RBFOX1: variants seen among roughly 807,000 people sequenced by gnomAD.
The protein encoded by RBFOX1 is RNA binding protein fox-1 homolog 1.
A neutral mutation model predicts 57.7 loss-of-function variants in RBFOX1; 8 were observed. The observed-to-expected ratio is 0.14, with a 90% confidence interval of 0.08 to 0.25. The LOEUF (loss-of-function observed/expected upper bound fraction) is 0.25. Ranked by LOEUF, RBFOX1 falls within the 10% of genes least tolerant of loss-of-function variation. RBFOX1 has a pLI of 1.00. For missense variants in RBFOX1, 611 were observed against 548.5 expected, an observed-to-expected ratio of 1.11 and a Z score of -1.14; for synonymous variants, 326 against 222.4, an observed-to-expected ratio of 1.47 and a Z score of -4.15.
At chr16:6,999,224 TATTTA>T (rs1568300486) in intron 3 of RBFOX1, among the ~76,000 whole-genome samples, 12 of 99,314 alleles carry the variant, frequency 1.2e-4, no homozygotes, top group South Asian at 3.0e-4. Context: ...TTATTTTTTT[TATTTA>T]TTTTTTTTTT....
chr16:5,846,651 C>G (rs1442698486), intron 3 of RBFOX1, among the ~76,000 whole-genome samples: 1 of 152,204 alleles, frequency 6.6e-6, no homozygotes, highest in Non-Finnish European at 1.5e-5. Context: ...CTCTCCACCA[C>G]ACTCAGCTGT....
Position 7,469,861 on chromosome 16 carries a change from G to A in RBFOX1, c.28-48286G>A, listed in dbSNP as rs141062334. On this transcript the variant is annotated intron_variant, in intron 4 of 15. Transcript: ENST00000550418. Reference sequence around the variant, plus strand: ...TCATCCGTCCTGCTCGCAGCCCCTGGCTACTTTCTACTTTCTGTCTCTCTG... The same window carrying A: ...TCATCCGTCCTGCTCGCAGCCCCTGACTACTTTCTACTTTCTGTCTCTCTG... 1.9e-3 allele frequency among the ~76,000 whole-genome samples: 288 copies of A among 152,184 alleles called. 1 individual carries two copies. The highest frequency in any genetic ancestry group is 6.4e-3 in the African/African-American group (264 of 41,518).
intron 2 of RBFOX1, among the ~76,000 whole-genome samples, chr16:6,339,765 G>A (rs1202200161): frequency 2.6e-5 from 4 of 151,970 alleles, no homozygotes; most frequent in Non-Finnish European, 5.9e-5. Context: ...CTGCCTCCCA[G>A]GTTCAAGCGA....
chr16:7,208,053 T>C (rs956731635), intron 4 of RBFOX1, among the ~76,000 whole-genome samples: 5 of 152,166 alleles, frequency 3.3e-5, no homozygotes, highest in Non-Finnish European at 5.9e-5. Context: ...ACTAGGACTT[T>C]AGGCAACATC....
At position 5,597,395 on chromosome 16, in the gene RBFOX1, C is replaced by CT. The variant is rs35058375; in HGVS notation, c.259-1487dup. On this transcript the variant is annotated intron_variant, in intron 2 of 2. Coordinates refer to the RBFOX1 transcript ENST00000585867. The stretch of plus-strand genomic sequence containing the variant: ...GTGACCCCAGGCCAAAGCTTGCTGA[C>CT]TTTTTTTTTTTTTTTTTTTTGAGTT... 2.3e-3 allele frequency among the ~76,000 whole-genome samples: 261 copies of CT among 114,360 alleles called. 1 individual carries two copies. Among genetic ancestry groups the CT allele is most frequent in the Middle Eastern group, 5.3e-3 (1 of 188 alleles). 75.0% of individuals were successfully genotyped at this position (114,360 alleles called of 152,430 possible).
chr16:6,863,071 T>C lies in RBFOX1; in HGVS notation c.-15-188986T>C, dbSNP rs570316109. ...AGGTGTTTGGTACATTATTCTATGA[T>C]GTATGGTGGAGAACAGTGGAAGGAT... is the stretch of plus-strand genomic sequence containing the variant. On this transcript the variant is annotated intron_variant, in intron 3 of 15. Transcript: ENST00000550418. Among the ~76,000 whole-genome samples, 4 of 152,110 alleles carry C rather than the reference T, an allele frequency of 2.6e-5. No individual in the cohort carries two copies. In the South Asian group the frequency reaches 8.3e-4, roughly 32 times the overall value.
At chr16:5,492,796 T>A (rs1357534652) in intron 2 of RBFOX1, among the ~76,000 whole-genome samples, 1 of 152,254 alleles carries the variant, frequency 6.6e-6, no homozygotes, top group Non-Finnish European at 1.5e-5. Flanking sequence ...ATCTCACTCT[T>A]ATTTAGTGTT....
chr16:7,457,918 C>T (rs2058838486), intron 4 of RBFOX1, among the ~76,000 whole-genome samples: 1 of 152,090 alleles, frequency 6.6e-6, no homozygotes, highest in South Asian at 2.1e-4. Context: ...ATTCTCAGTC[C>T]CTCCAACAAG....
chr16:5,949,418 C>T (rs1272386831), intron 4 of RBFOX1, among the ~76,000 whole-genome samples: 3 of 147,836 alleles, frequency 2.0e-5, no homozygotes, highest in East Asian at 2.1e-4. Flanking sequence ...CCCAGCTACT[C>T]GGGAGGCTGA....
intron 2 of RBFOX1, among the ~76,000 whole-genome samples, chr16:6,615,368 G>C (rs144116288): frequency 0.012 from 1,885 of 152,110 alleles, 38 homozygotes; most frequent in African/African-American, 0.043. Context: ...TCAGGAGTTG[G>C]AGACCAGCCT....
At chr16:7,123,623 T>G (rs2067714883) in intron 4 of RBFOX1, among the ~76,000 whole-genome samples, 1 of 152,146 alleles carries the variant, frequency 6.6e-6, no homozygotes, top group Non-Finnish European at 1.5e-5. Context: ...CCTCAACTTC[T>G]CAGAGTGCTG....
At chr16:6,936,692 T>A (rs938918861) in intron 3 of RBFOX1, among the ~76,000 whole-genome samples, 1 of 152,096 alleles carries the variant, frequency 6.6e-6, no homozygotes, top group African/African-American at 2.4e-5. Context: ...TGAGAGAGGA[T>A]AGCATTAGAT....
At chr16:7,693,359 C>G (rs1438515195) in intron 14 of RBFOX1, 3 of 1,611,920 alleles carry the variant, frequency 1.9e-6, no homozygotes, top group Middle Eastern at 3.3e-4. Context: ...TCTTGTAACA[C>G]CTCTGCAGGT....
rs192858516 is a variant in RBFOX1 at position 6,463,022 on chromosome 16, A to T, written c.-64+145965A>T. ...ATGCTGTGATTTACCTTTTGAGTTT[A>T]TCTACAAGATCCTAGTCCACTTAAA... On this transcript the variant is annotated intron_variant, in intron 2 of 15. Coordinates refer to ENST00000550418, the MANE Select transcript of RBFOX1 (RefSeq NM_018723.4). Among the ~76,000 whole-genome samples, 17 of 152,312 alleles carry T rather than the reference A, an allele frequency of 1.1e-4. No individual in the cohort carries two copies. In the East Asian group the frequency reaches 3.3e-3, roughly 29 times the overall value.
rs941124603 is a variant in RBFOX1, at chr16:5,666,211, C to T, written c.318+67250C>T. 9.9e-5 allele frequency among the ~76,000 whole-genome samples: 15 copies of T among 152,202 alleles called. 1 individual carries two copies. The highest frequency in any genetic ancestry group is 1.2e-4 in the African/African-American group (5 of 41,464). The stretch of plus-strand genomic sequence containing the variant: ...GGGAAGGAAAGGGAGGGCAGTTCTT[C>T]GCAGAGCGCGGGGCATCTGGTCCAG... On this transcript the variant is annotated intron_variant, in intron 3 of 19. Transcript: ENST00000641259.
At chr16:5,992,004 TAC>T (rs1406123400) in intron 4 of RBFOX1, among the ~76,000 whole-genome samples, 1 of 152,036 alleles carries the variant, frequency 6.6e-6, no homozygotes, top group African/African-American at 2.4e-5. Context: ...GAGAAAAAAA[TAC>T]AGAGATTTGT....
chr16:7,004,386 C>T (rs1418535149), intron 3 of RBFOX1, among the ~76,000 whole-genome samples: 1 of 151,974 alleles, frequency 6.6e-6, no homozygotes, highest in Non-Finnish European at 1.5e-5. Context: ...ATTCTTTGTC[C>T]ACCGGTTTTA....
At chr16:6,483,371 C>T in intron 2 of RBFOX1, 2 of 1,510,016 alleles carry the variant, frequency 1.3e-6, no homozygotes, top group Non-Finnish European at 1.8e-6. Context: ...AGCGAAGGCG[C>T]GCGGCGCGCA....
rs146486726 is a variant in RBFOX1, at chr16:6,279,299, G to A, written c.-126-37696G>A. Among the ~76,000 whole-genome samples the A allele has an allele frequency of 1.8e-3, 273 of 152,256 alleles. 1 individual carries two copies. Among genetic ancestry groups the A allele is most frequent in the Middle Eastern group, 3.4e-3 (1 of 294 alleles). ...AAATGGCTGTTTTATCCTCATTAGA[G>A]CCATAAATAGAATTTTATTAACTAG... On this transcript the variant is annotated intron_variant, in intron 1 of 15. Transcript: ENST00000550418.
Sources: gnomAD v4.1 joint callset for allele counts (sites outside exome capture counted in the v4.1 genomes callset) on GRCh38, gnomAD v4.1.1 for gene constraint, MANE v1.5 for transcripts, NCBI Gene and HGNC (gene_info 2026-07-23, HGNC 2026-07-21) for gene names.